KCNQ5: variants seen among roughly 807,000 people sequenced by gnomAD.
The protein encoded by KCNQ5 is potassium voltage-gated channel subfamily KQT member 5.
In KCNQ5, 30 loss-of-function variants were observed where a neutral mutation model predicts 98.2. The observed-to-expected ratio is 0.31, with a 90% CI of 0.23 to 0.41. The LOEUF is 0.41. KCNQ5 is among the 10% of genes least tolerant of loss of function. The pLI, the probability that KCNQ5 is intolerant of heterozygous loss-of-function variation, is 1.00. For synonymous variants in KCNQ5, 458 were observed against 449.4 expected (o/e 1.02, Z -0.24); for missense variants, 835 against 1,182.5 (o/e 0.71, Z 4.31).
intron 1 of KCNQ5, among the ~76,000 whole-genome samples, chr6:72,950,216 C>T (rs932413104): frequency 4.6e-5 from 7 of 152,154 alleles, no homozygotes; most frequent in African/African-American, 1.7e-4. Flanking sequence ...GTCTTGATAG[C>T]AGTTTTAACA....
chr6:73,089,084 C>A (rs1474530478), intron 5 of KCNQ5, among the ~76,000 whole-genome samples: 2 of 152,128 alleles, frequency 1.3e-5, no homozygotes, highest in Non-Finnish European at 2.9e-5. Context: ...CCTATCCCAC[C>A]CATAGGGCTT....
chr6:73,163,078 T>TA (rs1303893978), intron 10 of KCNQ5, among the ~76,000 whole-genome samples: 1 of 152,154 alleles, frequency 6.6e-6, no homozygotes, highest in Non-Finnish European at 1.5e-5. Context: ...AATGAATGAA[T>TA]ACAAATTATT....
intron 1 of KCNQ5, among the ~76,000 whole-genome samples, chr6:72,915,993 A>G (rs1271344579): frequency 1.3e-5 from 2 of 152,222 alleles, no homozygotes; most frequent in African/African-American, 4.8e-5. Context: ...GAATTTGCTA[A>G]TTGAATTCTT....
intron 1 of KCNQ5, among the ~76,000 whole-genome samples, chr6:72,885,279 G>A (rs1283359082): frequency 6.6e-6 from 1 of 152,074 alleles, no homozygotes; most frequent in Non-Finnish European, 1.5e-5. Flanking sequence ...ATTATTTCTT[G>A]ACTAAATAAA....
rs905379939 is a variant in KCNQ5 at position 72,772,045 on chromosome 6, T to G, written c.398+149458T>G. ...AAGTTGATTTTTTGCCTTAAGAACT[T>G]ACTTTATATATTTTATGATACCGAC... On this transcript the variant is annotated intron_variant, in intron 1 of 13. Transcript: ENST00000370398. 6.8e-4 allele frequency among the ~76,000 whole-genome samples: 103 copies of G among 152,258 alleles called. 1 individual carries two copies. The highest frequency in any genetic ancestry group is 2.2e-4 in the Non-Finnish European group (15 of 68,020).
chr6:72,691,741 G>C (rs925309799), intron 1 of KCNQ5, among the ~76,000 whole-genome samples: 1 of 152,180 alleles, frequency 6.6e-6, no homozygotes, highest in African/African-American at 2.4e-5. Context: ...ACCTTTCATA[G>C]CTGGAAAATT....
chr6:72,748,296 C>T (rs1582216122), intron 1 of KCNQ5, among the ~76,000 whole-genome samples: 1 of 152,160 alleles, frequency 6.6e-6, no homozygotes, highest in East Asian at 1.9e-4. Flanking sequence ...TCAGTATCAA[C>T]TTGTTGGTTG....
chr6:72,967,827 C>A (rs1189768739), intron 1 of KCNQ5: 1 of 154,484 alleles, frequency 6.5e-6, no homozygotes, highest in East Asian at 1.9e-4. Context: ...AAACTTCTGG[C>A]CTCAAGAGAT....
intron 1 of KCNQ5, among the ~76,000 whole-genome samples, chr6:72,700,337 A>ATCTG (rs10689211): frequency 6.7e-6 from 1 of 149,146 alleles, no homozygotes; most frequent in East Asian, 2.0e-4. Flanking sequence ...CTATCTATCT[A>ATCTG]ATCTATCTTA....
At chr6:72,998,917 GT>G (rs1198336610) in intron 1 of KCNQ5, among the ~76,000 whole-genome samples, 1 of 152,154 alleles carries the variant, frequency 6.6e-6, no homozygotes, top group African/African-American at 2.4e-5. Context: ...TGATTTGACT[GT>G]TGTATCATGC....
At chr6:72,825,711 C>T (rs1251840867) in intron 1 of KCNQ5, among the ~76,000 whole-genome samples, 3 of 152,136 alleles carry the variant, frequency 2.0e-5, no homozygotes, top group Non-Finnish European at 4.4e-5. Flanking sequence ...GAAGGGAAGT[C>T]TCTCAGCCCA....
At chr6:73,168,351 A>G (rs1309569096) in intron 10 of KCNQ5, among the ~76,000 whole-genome samples, 1 of 152,182 alleles carries the variant, frequency 6.6e-6, no homozygotes, top group East Asian at 1.9e-4. Flanking sequence ...AGGCAACACA[A>G]AGTAGTATTA....
intron 1 of KCNQ5, among the ~76,000 whole-genome samples, chr6:72,906,055 T>C (rs1198766449): frequency 6.6e-6 from 1 of 151,932 alleles, no homozygotes; most frequent in Non-Finnish European, 1.5e-5. Flanking sequence ...CAGACTCTCC[T>C]TGGGCAGGTC....
intron 3 of KCNQ5, among the ~76,000 whole-genome samples, chr6:73,049,277 A>G (rs751314602): frequency 2.0e-5 from 3 of 152,238 alleles, no homozygotes; most frequent in Non-Finnish European, 4.4e-5. Flanking sequence ...TTAAAGCTTC[A>G]TTTCTATTAA....
At position 72,815,443 on chromosome 6, in the gene KCNQ5, G is replaced by T. The variant is rs150005974; in HGVS notation, c.399-188465G>T. ...AGATGTGCAGAATATGTGGCTTTGT[G>T]GGTGGAGAAGACATGAGCAAAGGCA... On this transcript the variant is annotated intron_variant, in intron 1 of 13. Transcript: ENST00000370398. Among the ~76,000 whole-genome samples, 390 of 152,266 alleles carry T rather than the reference G, an allele frequency of 2.6e-3. 8 individuals carry two copies. Among genetic ancestry groups the T allele is most frequent in the Admixed American group, 0.024 (364 of 15,294 alleles).
chr6:72,982,577 G>T (rs1768524120), intron 1 of KCNQ5, among the ~76,000 whole-genome samples: 1 of 141,180 alleles, frequency 7.1e-6, no homozygotes, highest in Non-Finnish European at 1.5e-5. Flanking sequence ...CTCTGCATGT[G>T]AGATGGGTCT....
chr6:72,865,269 G>A (rs558327835), intron 1 of KCNQ5, among the ~76,000 whole-genome samples: 4 of 152,110 alleles, frequency 2.6e-5, no homozygotes, highest in Non-Finnish European at 2.9e-5. Flanking sequence ...GATGTTCTGC[G>A]TATAGACTCT....
chr6:73,141,607 T>G (rs1776714078), intron 10 of KCNQ5, among the ~76,000 whole-genome samples: 2 of 152,180 alleles, frequency 1.3e-5, no homozygotes, highest in Admixed American at 1.3e-4. Context: ...ATAAAATAGC[T>G]TCCTGCTTGA....
At chr6:73,054,796 T>C (rs1772397503) in intron 3 of KCNQ5, among the ~76,000 whole-genome samples, 1 of 152,136 alleles carries the variant, frequency 6.6e-6, no homozygotes, top group African/African-American at 2.4e-5. Context: ...AACAAGGATG[T>C]CCTCTCTCAC....
Sources: allele counts gnomAD v4.1 joint callset (sites outside exome capture counted in the v4.1 genomes callset), GRCh38; gene constraint gnomAD v4.1.1; transcripts MANE v1.5; gene names NCBI Gene and HGNC (gene_info 2026-07-23, HGNC 2026-07-21).